Variants in SLC24A2 observed in about 807,000 individuals in gnomAD.
SLC24A2 encodes solute carrier family 24 member 2, also known as sodium/potassium/calcium exchanger 2.
Under a neutral mutation model 62.0 loss-of-function variants are expected in SLC24A2, and 36 were observed. That is an observed-to-expected ratio of 0.58 (90% CI 0.44 to 0.77). The LOEUF is 0.77. Among genes scored for constraint, SLC24A2 ranks in the 30% least tolerant of loss-of-function variants. SLC24A2 has a pLI of 0.00. For missense variants in SLC24A2, 846 were observed against 817.9 expected (o/e 1.03, Z -0.42); for synonymous variants, 358 against 294.0 (o/e 1.22, Z -2.23).
chr9:19,626,617 A>G (rs1436641471), intron 2 of SLC24A2, among the ~76,000 whole-genome samples: 1 of 152,220 alleles, frequency 6.6e-6, no homozygotes, highest in Non-Finnish European at 1.5e-5. Context: ...TTATTTTGTG[A>G]AAAATATAAT....
intron 2 of SLC24A2, among the ~76,000 whole-genome samples, chr9:19,694,618 T>C (rs1199003361): frequency 1.3e-5 from 2 of 152,168 alleles, no homozygotes; most frequent in African/African-American, 4.8e-5. Context: ...TACGGAGAAA[T>C]GCATGTCAAT....
At chr9:19,660,861 T>A (rs1442044983) in intron 2 of SLC24A2, among the ~76,000 whole-genome samples, 1 of 152,214 alleles carries the variant, frequency 6.6e-6, no homozygotes, top group Non-Finnish European at 1.5e-5. Flanking sequence ...AGACAGGTAG[T>A]GTTATGACCC....
At chr9:19,669,353 C>T (rs532008201) in intron 2 of SLC24A2, among the ~76,000 whole-genome samples, 19 of 152,202 alleles carry the variant, frequency 1.2e-4, no homozygotes, top group South Asian at 4.1e-4. Context: ...GTGGTCAGAA[C>T]CCAGCAATAC....
At chr9:19,567,662 G>A (rs1451785184) in intron 7 of SLC24A2, among the ~76,000 whole-genome samples, 48 of 136,582 alleles carry the variant, frequency 3.5e-4, no homozygotes, top group African/African-American at 1.2e-3. Context: ...ACCATACTAA[G>A]TAAATGCTAG....
At chr9:19,689,519 G>A (rs138625847) in intron 2 of SLC24A2, among the ~76,000 whole-genome samples, 1 of 152,138 alleles carries the variant, frequency 6.6e-6, no homozygotes, top group Non-Finnish European at 1.5e-5. Flanking sequence ...GTACGGGAGT[G>A]TGATAGATGA....
the SLC24A2 span, among the ~76,000 whole-genome samples, chr9:20,296,532 A>G: frequency 2.0e-5 from 3 of 152,396 alleles, no homozygotes; most frequent in East Asian, 5.8e-4. Context: ...AAACTTCCTC[A>G]GTAAATGAAG....
the SLC24A2 span, among the ~76,000 whole-genome samples, chr9:19,862,638 C>T: frequency 6.6e-6 from 1 of 151,828 alleles, no homozygotes; most frequent in Non-Finnish European, 1.5e-5. Flanking sequence ...CTTGTCAAGA[C>T]ATAGTACAAT....
At chr9:19,820,608 T>G in the SLC24A2 span, among the ~76,000 whole-genome samples, 1 of 151,960 alleles carries the variant, frequency 6.6e-6, no homozygotes, top group African/African-American at 2.4e-5. Context: ...AGAAAAACTT[T>G]AATTAAAAAA....
chr9:20,056,953 C>G, the SLC24A2 span, among the ~76,000 whole-genome samples: 3 of 152,168 alleles, frequency 2.0e-5, no homozygotes, highest in Non-Finnish European at 2.9e-5. Context: ...AGATATTTTC[C>G]TTAACTCTTC....
the SLC24A2 span, among the ~76,000 whole-genome samples, chr9:20,290,398 C>A: frequency 6.6e-6 from 1 of 152,224 alleles, no homozygotes; most frequent in Non-Finnish European, 1.5e-5. Flanking sequence ...TCAAATGTAT[C>A]TCATCTTGCC....
At chr9:19,942,673 T>A in the SLC24A2 span, among the ~76,000 whole-genome samples, 2 of 152,162 alleles carry the variant, frequency 1.3e-5, no homozygotes, top group Non-Finnish European at 2.9e-5. Flanking sequence ...TATAATCAGA[T>A]CTTCAAAAGT....
chr9:19,549,439 A>G (rs1457417939), intron 8 of SLC24A2, among the ~76,000 whole-genome samples: 1 of 152,220 alleles, frequency 6.6e-6, no homozygotes. Context: ...GCAGAAGTGA[A>G]TCTATGTAAC....
At chr9:19,952,480 T>A in the SLC24A2 span, among the ~76,000 whole-genome samples, 1 of 152,138 alleles carries the variant, frequency 6.6e-6, no homozygotes, top group East Asian at 1.9e-4. Flanking sequence ...GTGCCCTTAA[T>A]CAGACTAGTA....
At chr9:19,872,618 A>G in the SLC24A2 span, among the ~76,000 whole-genome samples, 2 of 152,322 alleles carry the variant, frequency 1.3e-5, no homozygotes, top group African/African-American at 4.8e-5. Flanking sequence ...GCCTTGATCC[A>G]GAACTCTGTG....
At chr9:20,279,769 A>T in the SLC24A2 span, among the ~76,000 whole-genome samples, 1 of 152,178 alleles carries the variant, frequency 6.6e-6, no homozygotes, top group African/African-American at 2.4e-5. Context: ...TCCTTGGGTT[A>T]CTGAACTGAT....
At chr9:19,596,086 CA>C (rs765219650) in intron 5 of SLC24A2, among the ~76,000 whole-genome samples, 1 of 152,060 alleles carries the variant, frequency 6.6e-6, no homozygotes. Context: ...ACAGGGCTAG[CA>C]AAAGAGAAGG....
the SLC24A2 span, among the ~76,000 whole-genome samples, chr9:20,003,484 C>T: frequency 1.3e-5 from 2 of 152,090 alleles, no homozygotes; most frequent in Admixed American, 6.6e-5. Context: ...GGAATTTAGA[C>T]TCAGGAAATC....
chr9:20,306,778 C>A, the SLC24A2 span, among the ~76,000 whole-genome samples: 6 of 152,178 alleles, frequency 3.9e-5, no homozygotes, highest in Non-Finnish European at 2.9e-5. Flanking sequence ...TCCACTGCAA[C>A]CTCTGCCTCC....
the SLC24A2 span, among the ~76,000 whole-genome samples, chr9:19,831,090 C>T: frequency 6.6e-6 from 1 of 152,190 alleles, no homozygotes; most frequent in African/African-American, 2.4e-5. Context: ...TATAAGGGTA[C>T]TAATCCCATT....
Sources: allele counts gnomAD v4.1 joint callset (sites outside exome capture counted in the v4.1 genomes callset), GRCh38; gene constraint gnomAD v4.1.1; transcripts MANE v1.5; gene names NCBI Gene and HGNC (gene_info 2026-07-23, HGNC 2026-07-21).